Variants in FLT3 observed in about 807,000 individuals in gnomAD.
The protein encoded by FLT3 is receptor-type tyrosine-protein kinase FLT3.
FLT3 carries 46 observed loss-of-function variants against 126.6 expected under a neutral mutation model. That is an observed-to-expected ratio of 0.36 (90% CI 0.29 to 0.46). The LOEUF (loss-of-function observed/expected upper bound fraction) is 0.46. Ranked by LOEUF, FLT3 falls within the 20% of genes least tolerant of loss-of-function variation. FLT3 has a pLI of 1.00. For missense variants in FLT3, 1,069 were observed against 1,190.3 expected, an observed-to-expected ratio of 0.90 and a Z score of 1.50; for synonymous variants, 404 against 434.4, an observed-to-expected ratio of 0.93 and a Z score of 0.87.
chr13:28,010,179 G>T (rs1871239015), intron 23 of FLT3, among the ~76,000 whole-genome samples: 1 of 152,176 alleles, frequency 6.6e-6, no homozygotes, highest in South Asian at 2.1e-4. Context: ...TAGCAGCGGG[G>T]TCTATAATGA....
At chr13:28,026,311 T>C (rs1036140795) in intron 17 of FLT3, among the ~76,000 whole-genome samples, 10 of 138,376 alleles carry the variant, frequency 7.2e-5, no homozygotes, top group African/African-American at 2.7e-4. Flanking sequence ...GATCACACCA[T>C]TGCACCACTC....
At chr13:28,050,866 A>C (rs1277079169) in intron 5 of FLT3, among the ~76,000 whole-genome samples, 2 of 152,294 alleles carry the variant, frequency 1.3e-5, no homozygotes, top group East Asian at 3.9e-4. Flanking sequence ...TTGTTTAGTA[A>C]ATTTTAATTA....
chr13:28,046,405 G>T (rs1333478069), intron 9 of FLT3, among the ~76,000 whole-genome samples: 1 of 152,106 alleles, frequency 6.6e-6, no homozygotes, highest in Non-Finnish European at 1.5e-5. Flanking sequence ...TCTTCATCTA[G>T]AACAGGGCTA....
intron 1 of FLT3, among the ~76,000 whole-genome samples, chr13:28,084,326 TA>T (rs1311071604): frequency 6.6e-6 from 1 of 152,104 alleles, no homozygotes; most frequent in Non-Finnish European, 1.5e-5. Context: ...ATTAATTTTT[TA>T]TTTTTTTACA....
intron 4 of FLT3, 104 bp downstream of exon 4, chr13:28,057,243 C>T: frequency 1.4e-6 from 1 of 696,048 alleles, no homozygotes; most frequent in Non-Finnish European, 2.6e-6. Flanking sequence ...TCAAGGGAAA[C>T]CTGAATATGT....
chr13:28,044,210 A>G (rs905878267), intron 9 of FLT3, among the ~76,000 whole-genome samples: 1 of 150,658 alleles, frequency 6.6e-6, no homozygotes, highest in African/African-American at 2.4e-5. Flanking sequence ...GCACTTTGGC[A>G]GGCCGAGGTG....
chr13:28,076,842 A>G (rs1383716006), intron 1 of FLT3, among the ~76,000 whole-genome samples: 1 of 151,868 alleles, frequency 6.6e-6, no homozygotes, highest in Non-Finnish European at 1.5e-5. Flanking sequence ...CAGGAAGATC[A>G]CCTCAACCCA....
At chr13:28,067,359 A>G (rs1443361506) in intron 2 of FLT3, among the ~76,000 whole-genome samples, 3 of 152,204 alleles carry the variant, frequency 2.0e-5, no homozygotes, top group Non-Finnish European at 4.4e-5. Flanking sequence ...GCTGGGTACA[A>G]TCCACAATCT....
chr13:28,050,755 C>T (rs1233456490), intron 5 of FLT3, among the ~76,000 whole-genome samples: 1 of 152,064 alleles, frequency 6.6e-6, no homozygotes, highest in Non-Finnish European at 1.5e-5. Flanking sequence ...AGCAAAACCC[C>T]TCTCCCTGCC....
rs544651635 is a variant in FLT3 at position 28,033,903 on chromosome 13, G to A, written c.1926C>T (p.Ala642=). 4.2e-5 allele frequency: 68 copies of A among 1,613,818 alleles called. No individual in the cohort carries two copies. Among genetic ancestry groups the A allele is most frequent in the Middle Eastern group, 1.7e-4 (1 of 6,060 alleles). ...ISKTGVSIQV[A]VKMLKEKADS... ...ATACTGTACCTTTCAGCATTTTGACGGCAACCTGGATTGAGACTCCTGTTT... is the reference window on the plus strand; with the variant it reads ...ATACTGTACCTTTCAGCATTTTGACAGCAACCTGGATTGAGACTCCTGTTT... Residue 642 remains alanine (A), a synonymous_variant, in exon 15 of 24, where the codon GCC becomes GCT. Transcript: ENST00000241453.
At chr13:28,060,847 C>T (rs1049881066) in intron 3 of FLT3, among the ~76,000 whole-genome samples, 4 of 151,776 alleles carry the variant, frequency 2.6e-5, no homozygotes, top group Admixed American at 2.0e-4. Flanking sequence ...TCAGGTGATC[C>T]TCCCACCTCG....
At chr13:28,094,182 T>C (rs544082890) in intron 1 of FLT3, among the ~76,000 whole-genome samples, 1 of 152,322 alleles carries the variant, frequency 6.6e-6, no homozygotes, top group South Asian at 2.1e-4. Context: ...TTTTTAGTCC[T>C]AATATATCTA....
At chr13:28,077,881 A>C (rs142590760) in intron 1 of FLT3, among the ~76,000 whole-genome samples, 1 of 152,172 alleles carries the variant, frequency 6.6e-6, no homozygotes, top group East Asian at 1.9e-4. Flanking sequence ...TGGCCAAAAC[A>C]AAGGGGTTAC....
intron 17 of FLT3, 35 bp downstream of exon 17, chr13:28,027,053 A>T (rs763352001): frequency 4.8e-5 from 77 of 1,594,028 alleles, no homozygotes; most frequent in Non-Finnish European, 6.5e-5. Flanking sequence ...ACGTTCTATG[A>T]TGTGTAATTA....
intron 5 of FLT3, among the ~76,000 whole-genome samples, chr13:28,051,125 A>G (rs959454833): frequency 2.0e-5 from 3 of 152,238 alleles, no homozygotes; most frequent in Non-Finnish European, 4.4e-5. Context: ...GTTCAAACCC[A>G]GGCTATCTGG....
At chr13:28,054,027 T>A (rs1875785555) in intron 4 of FLT3, among the ~76,000 whole-genome samples, 1 of 152,140 alleles carries the variant, frequency 6.6e-6, no homozygotes, top group Admixed American at 6.5e-5. Flanking sequence ...GTTTTTTGTA[T>A]GATCAACCAT....
chr13:28,064,429 C>A (rs7331012), intron 2 of FLT3, among the ~76,000 whole-genome samples: 1 of 151,834 alleles, frequency 6.6e-6, no homozygotes. Context: ...AAAAATTAGC[C>A]GAGTGTGGTG....
chr13:28,035,847 T>C, intron 11 of FLT3, 88 bp downstream of exon 11: 1 of 1,263,522 alleles, frequency 7.9e-7, no homozygotes, highest in Non-Finnish European at 1.1e-6. Flanking sequence ...TATTTCATCA[T>C]TTCCTCTTAA....
intron 1 of FLT3, among the ~76,000 whole-genome samples, chr13:28,086,618 TCGTG>T (rs1318977557): frequency 8.1e-6 from 1 of 123,994 alleles, no homozygotes; most frequent in Non-Finnish European, 1.7e-5. Context: ...TCTGAAGAAC[TCGTG>T]TGTGTGTGTG....
Sources: allele counts gnomAD v4.1 joint callset (sites outside exome capture counted in the v4.1 genomes callset), GRCh38; gene constraint gnomAD v4.1.1; transcripts MANE v1.5; gene names NCBI Gene and HGNC (gene_info 2026-07-23, HGNC 2026-07-21).